The following PDK3 variants were observed in gnomAD, a reference collection of about 807,000 sequenced individuals.
The protein encoded by PDK3 is pyruvate dehydrogenase kinase 3, also known as pyruvate dehydrogenase kinase, isozyme 3.
A neutral mutation model predicts 32.0 loss-of-function variants in PDK3; 12 were observed. The observed-to-expected ratio is 0.37, with a 90% CI of 0.24 to 0.61. The LOEUF is 0.61. Ranked by LOEUF, PDK3 falls within the 20% of genes least tolerant of loss-of-function variation. The probability of loss-of-function intolerance (pLI) is 0.65; values close to 1 mark genes in which losing one functional copy is unlikely to be tolerated. For missense variants in PDK3, 188 were observed against 316.9 expected (o/e 0.59, Z 3.09); for synonymous variants, 122 against 116.3 (o/e 1.05, Z -0.31).
exon 12 of PDK3, among the ~76,000 whole-genome samples, chrX:24,544,172 AC>A (rs1264238265): frequency 2.7e-5 from 3 of 111,220 alleles, no homozygotes; most frequent in Non-Finnish European, 3.8e-5. Context: ...AAGGAGTGAC[AC>A]GAAGCCTCCT....
At chrX:24,521,897 G>A (rs1922407456) in intron 6 of PDK3, among the ~76,000 whole-genome samples, 1 of 110,578 alleles carries the variant, frequency 9.0e-6, no homozygotes, top group Admixed American at 9.6e-5. Flanking sequence ...GCTTTGGGTA[G>A]TGTAGTGATT....
At chrX:24,492,603 T>G (rs754721332) in intron 1 of PDK3, among the ~76,000 whole-genome samples, 7 of 110,641 alleles carry the variant, frequency 6.3e-5, no homozygotes, top group Non-Finnish European at 1.1e-4. Context: ...AAAAAGCCCT[T>G]AATAATTAGA....
chrX:24,476,840 C>G (rs1921126651), intron 1 of PDK3, among the ~76,000 whole-genome samples: 1 of 112,177 alleles, frequency 8.9e-6, no homozygotes, highest in Admixed American at 9.5e-5. Context: ...TCCACAACAG[C>G]AGAAATTGAG....
chrX:24,544,693 A>C (rs1340360406), exon 12 of PDK3, among the ~76,000 whole-genome samples: 1 of 112,095 alleles, frequency 8.9e-6, no homozygotes, highest in Non-Finnish European at 1.9e-5. Context: ...TGTATCTGTC[A>C]GACATTGCCC....
Position 24,465,360 on chromosome X carries a change from G to A in PDK3, c.-96G>A. 1.8e-6 allele frequency: 1 copy of A among 561,451 alleles called. No individual in the cohort carries two copies. The highest frequency in any genetic ancestry group is 4.9e-4 in the Middle Eastern group (1 of 2,023). The allele number at this position is 561,451 out of a possible 1,213,427, so 46.3% of individuals were successfully genotyped here. Reference sequence around the variant, plus strand: ...GAGGCCGAGATCGAGGCCGGGGTGCGCGCTTCGCAAACGTGCCCTATCCGT... The same window carrying A: ...GAGGCCGAGATCGAGGCCGGGGTGCACGCTTCGCAAACGTGCCCTATCCGT... On this transcript the variant is annotated 5_prime_UTR_variant, in exon 1 of 11. Coordinates refer to ENST00000379162, the MANE Select transcript of PDK3 (RefSeq NM_005391.5).
chrX:24,528,572 T>A (rs1194850208), intron 9 of PDK3, among the ~76,000 whole-genome samples: 1 of 112,893 alleles, frequency 8.9e-6, no homozygotes, highest in Non-Finnish European at 1.9e-5. Flanking sequence ...TCCTGCGCAC[T>A]CTGGCGTGCG....
chrX:24,482,914 C>T (rs1036454392), intron 1 of PDK3, among the ~76,000 whole-genome samples: 2 of 112,257 alleles, frequency 1.8e-5, no homozygotes, highest in Non-Finnish European at 1.9e-5. Context: ...AGGATGGTTG[C>T]ATTGATGAGA....
At chrX:24,537,282 A>AT (rs1167543267), downstream of PDK3, among the ~76,000 whole-genome samples, 1,355 of 65,633 alleles carry the variant, frequency 0.021, 21 homozygotes, top group Middle Eastern at 0.036. Context: ...ACGCCTGGCT[A>AT]TTTTTTTTTT....
At chrX:24,475,835 G>A (rs934476215) in intron 1 of PDK3, among the ~76,000 whole-genome samples, 20 of 111,265 alleles carry the variant, frequency 1.8e-4, no homozygotes, top group Non-Finnish European at 3.6e-4. Context: ...CAGCTCTCAG[G>A]CACCAAAGTC....
Position 24,465,417 on chromosome X carries a change from C to G in PDK3, c.-39C>G, listed in dbSNP as rs1450891468. The G allele has an allele frequency of 9.5e-7, 1 of 1,057,307 alleles. No homozygotes were observed. The highest frequency in any genetic ancestry group is 1.3e-6 in the Non-Finnish European group (1 of 769,215). The allele number at this position is 1,057,307 out of a possible 1,213,427, so 87.1% of individuals were successfully genotyped here. A position where few individuals can be genotyped will look rare whatever the true frequency, so the allele number is the denominator to read the frequency against. The stretch of plus-strand genomic sequence containing the variant: ...TGGCTGCGCCAGCCCTTGCGGCCAC[C>G]CGGGCGTCTAGGCGGGTCTGTGCGC... On this transcript the variant is annotated 5_prime_UTR_variant, in exon 1 of 11. Transcript: ENST00000379162.
intron 1 of PDK3, among the ~76,000 whole-genome samples, chrX:24,477,780 A>T (rs1921147634): frequency 9.0e-6 from 1 of 111,621 alleles, no homozygotes. Context: ...TTGCCCAACA[A>T]TTATTAAGAC....
chrX:24,468,449 C>T (rs1428062129), intron 1 of PDK3, among the ~76,000 whole-genome samples: 1 of 112,012 alleles, frequency 8.9e-6, no homozygotes, highest in Non-Finnish European at 1.9e-5. Flanking sequence ...AGCAAAATGT[C>T]CCCTGGACTT....
At chrX:24,516,910 C>G (rs1922268270) in intron 5 of PDK3, among the ~76,000 whole-genome samples, 1 of 108,912 alleles carries the variant, frequency 9.2e-6, no homozygotes, top group Admixed American at 9.8e-5. Flanking sequence ...ATTCTCCTGC[C>G]TCAACCTCCC....
At chrX:24,507,823 A>G (rs1338050546) in intron 5 of PDK3, among the ~76,000 whole-genome samples, 3 of 90,402 alleles carry the variant, frequency 3.3e-5, no homozygotes, top group African/African-American at 1.1e-4. Flanking sequence ...AAGGAGTGCT[A>G]GCTTTGAGAG....
chrX:24,489,059 G>A (rs1454528818), intron 1 of PDK3, among the ~76,000 whole-genome samples: 1 of 111,711 alleles, frequency 9.0e-6, no homozygotes, highest in Non-Finnish European at 1.9e-5. Context: ...AGAACCCTCT[G>A]GCGAGGACAT....
rs1430432132 is a variant in PDK3, at chrX:24,503,527, T to C, written c.505+16T>C. The C allele has an allele frequency of 3.6e-6, 4 of 1,096,734 alleles. No homozygotes were observed. The highest frequency in any genetic ancestry group is 4.8e-6 in the Non-Finnish European group (4 of 826,156). 90.4% of individuals were successfully genotyped at this position (1,096,734 alleles called of 1,213,427 possible). ...AATCAGCACAGTAAGTTGGAGTTTG[T>C]TGGTCCAGTTTTGAAAAGGTAACCA... On this transcript the variant is annotated intron_variant, in intron 4 of 10. Transcript: ENST00000379162.
At position 24,494,675 on chromosome X, in the gene PDK3, G is replaced by A. The variant is rs779586493; in HGVS notation, c.107-67G>A. ...TCCAACCAGTAGTAACCGTGCTACC[G>A]TGGGAGCACTTTATTTCTCCATCTG... is the stretch of plus-strand genomic sequence containing the variant. On this transcript the variant is annotated intron_variant, in intron 1 of 10. Coordinates refer to ENST00000379162, the MANE Select transcript of PDK3 (RefSeq NM_005391.5). 31 of 811,094 alleles carry A rather than the reference G, an allele frequency of 3.8e-5. No homozygotes were observed. The East Asian group carries it at 5.6e-4, about 15-fold the overall frequency. The allele number at this position is 811,094 out of a possible 1,213,427, so 66.8% of individuals were successfully genotyped here. A position where few individuals can be genotyped will look rare whatever the true frequency, so the allele number is the denominator to read the frequency against.
In PDK3 at chrX:24,526,268, G is replaced by A; in HGVS notation, c.744G>A (p.Leu248=). 1 of 1,166,441 alleles carries A rather than the reference G, an allele frequency of 8.6e-7. No homozygotes were observed. Among genetic ancestry groups the A allele is most frequent in the East Asian group, 3.0e-5 (1 of 33,455 alleles). Residue 248 remains leucine (L), a synonymous_variant, in exon 7 of 11, where the codon TTG becomes TTA. Coordinates refer to ENST00000379162, the MANE Select transcript of PDK3 (RefSeq NM_005391.5). ...PSHLFHMLFE[L]FKNSMRATVE... ...ATCTGTTTCATATGCTATTTGAGTT[G>A]TTCAAGGTAAGTGGAATTTTAAAAA... is the stretch of plus-strand genomic sequence containing the variant.
chrX:24,502,096 A>G (rs1261628740), intron 3 of PDK3, among the ~76,000 whole-genome samples: 1 of 111,388 alleles, frequency 9.0e-6, no homozygotes, highest in African/African-American at 3.3e-5. Flanking sequence ...AAAATTCTAC[A>G]TAGTCATATC....
Sources: gnomAD v4.1 joint callset for allele counts (sites outside exome capture counted in the v4.1 genomes callset) on GRCh38, gnomAD v4.1.1 for gene constraint, MANE v1.5 for transcripts, NCBI Gene and HGNC (gene_info 2026-07-23, HGNC 2026-07-21) for gene names.